Variants in KATNIP observed in about 807,000 individuals in gnomAD.
The protein encoded by KATNIP is katanin interacting protein.
Under a neutral mutation model 174.0 loss-of-function variants are expected in KATNIP, and 126 were observed. The observed-to-expected ratio is 0.72, with a 90% CI of 0.63 to 0.84. The LOEUF (loss-of-function observed/expected upper bound fraction) is 0.84, where lower values mean the gene tolerates loss of function less well. Among genes scored for constraint, KATNIP ranks in the 40% least tolerant of loss-of-function variants. KATNIP has a pLI of 0.00. For missense variants in KATNIP, 1,958 were observed against 2,109.7 expected (o/e 0.93, Z 1.41); for synonymous variants, 810 against 835.7 (o/e 0.97, Z 0.53).
intron 2 of KATNIP, among the ~76,000 whole-genome samples, chr16:27,597,044 A>G (rs1189765578): frequency 6.6e-6 from 1 of 151,964 alleles, no homozygotes; most frequent in East Asian, 1.9e-4. Context: ...AATAAAAATA[A>G]TTAGCTGGTC....
intron 23 of KATNIP, 69 bp downstream of exon 23, chr16:27,773,278 C>T: frequency 9.2e-7 from 1 of 1,090,758 alleles, no homozygotes; most frequent in Non-Finnish European, 1.4e-6. Flanking sequence ...GGGAACGGGG[C>T]AGAAGCCTTG....
At chr16:27,696,954 C>G (rs572205451) in intron 8 of KATNIP, among the ~76,000 whole-genome samples, 2 of 152,266 alleles carry the variant, frequency 1.3e-5, no homozygotes, top group East Asian at 3.9e-4. Context: ...ATCTCGAACT[C>G]CTGACTTCAG....
chr16:27,720,726 TAAG>T (rs2080190504), intron 13 of KATNIP, among the ~76,000 whole-genome samples: 2 of 151,892 alleles, frequency 1.3e-5, no homozygotes, highest in African/African-American at 4.8e-5. Context: ...TTGAGAAGGT[TAAG>T]AAGAGAATTG....
At chr16:27,659,854 C>T (rs563617319) in intron 6 of KATNIP, among the ~76,000 whole-genome samples, 1 of 152,276 alleles carries the variant, frequency 6.6e-6, no homozygotes, top group African/African-American at 2.4e-5. Flanking sequence ...GTTCTGTTGG[C>T]CGGTTTGGTG....
At chr16:27,581,614 TG>T (rs1359453120) in intron 2 of KATNIP, among the ~76,000 whole-genome samples, 1 of 152,180 alleles carries the variant, frequency 6.6e-6, no homozygotes, top group African/African-American at 2.4e-5. Flanking sequence ...ACCATAGGTT[TG>T]GGGGGAACCG....
In KATNIP at chr16:27,774,949, T is replaced by C; in HGVS notation, c.4314T>C (p.Ile1438=). Residue 1438 remains isoleucine (I), a synonymous_variant, in exon 24 of 28, where the codon ATT becomes ATC. Transcript: ENST00000261588. ...GCAACTTAGACGTCTCCTCAGATAT[T>C]GCGGCCTTCCCCGACAGCGTGAACT... is the stretch of plus-strand genomic sequence containing the variant. The part of the protein sequence containing the change: ...GEKIPLSENN[I]AAFPDSVNSL... 6.2e-7 allele frequency: 1 copy of C among 1,613,928 alleles called. No homozygotes were observed. The highest frequency in any genetic ancestry group is 8.5e-7 in the Non-Finnish European group (1 of 1,179,940).
intron 8 of KATNIP, among the ~76,000 whole-genome samples, chr16:27,697,765 A>G (rs1002040526): frequency 2.0e-5 from 3 of 152,060 alleles, no homozygotes; most frequent in Admixed American, 2.0e-4. Flanking sequence ...TGCAGACATC[A>G]TTCCCCTTTA....
chr16:27,767,304 C>T (rs144907463), intron 20 of KATNIP, among the ~76,000 whole-genome samples: 100 of 152,288 alleles, frequency 6.6e-4, no homozygotes, highest in East Asian at 3.7e-3. Context: ...ACACCTGCCA[C>T]GGCGGATTGG....
At chr16:27,614,561 A>G (rs2075988256) in intron 2 of KATNIP, among the ~76,000 whole-genome samples, 1 of 152,192 alleles carries the variant, frequency 6.6e-6, no homozygotes, top group Admixed American at 6.5e-5. Flanking sequence ...CTCCTGCATC[A>G]GCCACCCAGA....
At chr16:27,668,963 G>A (rs1222727179) in intron 6 of KATNIP, among the ~76,000 whole-genome samples, 1 of 152,158 alleles carries the variant, frequency 6.6e-6, no homozygotes, top group Admixed American at 6.5e-5. Context: ...CCAAGGTGGT[G>A]TTACTGCACT....
At chr16:27,557,718 A>G (rs986629322) in intron 1 of KATNIP, among the ~76,000 whole-genome samples, 3 of 152,158 alleles carry the variant, frequency 2.0e-5, no homozygotes, top group East Asian at 1.9e-4. Context: ...ATGAGCCACT[A>G]TGCCTGGCTG....
chr16:27,776,800 G>C lies in KATNIP; in HGVS notation c.4450-128G>C, dbSNP rs1426336383. The C allele has an allele frequency of 8.9e-6, 6 of 675,638 alleles. No individual in the cohort carries two copies. Among genetic ancestry groups the C allele is most frequent in the Admixed American group, 2.3e-5 (1 of 43,130 alleles). 41.9% of individuals were successfully genotyped at this position (675,638 alleles called of 1,614,324 possible). ...GAGATGAAAGGGGGCGGAACTCCAG[G>C]CTGGCCCACGTGGCAGGCGCTGCCT... On this transcript the variant is annotated intron_variant, in intron 24 of 27. Coordinates refer to ENST00000261588, the MANE Select transcript of KATNIP (RefSeq NM_015202.5). This position sits in a 1 kb window ranked among gnomAD's most constrained non-coding sequence, Gnocchi z 4.7.
intron 1 of KATNIP, among the ~76,000 whole-genome samples, chr16:27,570,715 A>G (rs1164571374): frequency 6.6e-6 from 1 of 152,140 alleles, no homozygotes; most frequent in African/African-American, 2.4e-5. Context: ...CATCTCTACA[A>G]TGGCCAGGTT....
At chr16:27,708,634 G>C in intron 12 of KATNIP, 71 bp from the exon 13 acceptor site, 1 of 1,249,046 alleles carries the variant, frequency 8.0e-7, no homozygotes, top group South Asian at 1.4e-5. Context: ...GAAGGCAGTG[G>C]TGGCAGAGGC....
intron 14 of KATNIP, 68 bp from the exon 15 acceptor site, chr16:27,739,973 G>A (rs898455886): frequency 1.7e-5 from 25 of 1,496,372 alleles, no homozygotes; most frequent in South Asian, 6.6e-5. Context: ...TGGTATCTTC[G>A]ACTTCCAAAA....
chr16:27,604,415 A>G (rs1406450011), intron 2 of KATNIP, among the ~76,000 whole-genome samples: 1 of 152,136 alleles, frequency 6.6e-6, no homozygotes, highest in Non-Finnish European at 1.5e-5. Context: ...AAAAATTTTT[A>G]GTACAGACAG....
At position 27,749,935 on chromosome 16, in the gene KATNIP, G is replaced by T. The variant is rs761588865; in HGVS notation, c.2975G>T (p.Gly992Val). ...KSTWGDRHYV[G>V]LNGIEIFSSK... ...ACCTGGGGGGACAGACACTATGTCG[G>T]CCTCAACGGAATAGAAATATTCAGT... Residue 992 changes from glycine (G) to valine (V), a missense_variant, in exon 16 of 28, where the codon GGC becomes GTC. Transcript: ENST00000261588. The T allele has an allele frequency of 6.2e-7, 1 of 1,614,138 alleles. No individual in the cohort carries two copies. The highest frequency in any genetic ancestry group is 8.5e-7 in the Non-Finnish European group (1 of 1,180,020).
At chr16:27,551,405 C>T (rs1307058997) in intron 1 of KATNIP, among the ~76,000 whole-genome samples, 4 of 152,064 alleles carry the variant, frequency 2.6e-5, no homozygotes, top group Non-Finnish European at 5.9e-5. Context: ...TGTGCTTTAC[C>T]ATTTTGCCTT....
At chr16:27,662,785 G>C (rs2077566371) in intron 6 of KATNIP, among the ~76,000 whole-genome samples, 1 of 152,034 alleles carries the variant, frequency 6.6e-6, no homozygotes, top group African/African-American at 2.4e-5. Flanking sequence ...GAATTTCTTA[G>C]GTATGATGTG....
Sources: gnomAD v4.1 joint callset for allele counts (sites outside exome capture counted in the v4.1 genomes callset) on GRCh38, gnomAD v4.1.1 for gene constraint, Gnocchi (gnomAD v3.1) non-coding constraint, MANE v1.5 for transcripts, NCBI Gene and HGNC (gene_info 2026-07-23, HGNC 2026-07-21) for gene names.